TRPC4AP: variants seen among roughly 807,000 people sequenced by gnomAD.
The protein encoded by TRPC4AP is transient receptor potential cation channel subfamily C member 4 associated protein.
In TRPC4AP, 45 loss-of-function variants were observed where a neutral mutation model predicts 99.0. The ratio of observed to expected loss-of-function variants is 0.45; its 90% CI spans 0.36 to 0.58. TRPC4AP has a LOEUF of 0.58. TRPC4AP is among the 20% of genes least tolerant of loss of function. The pLI, the probability that TRPC4AP is intolerant of heterozygous loss-of-function variation, is 0.00. For synonymous variants in TRPC4AP, 408 were observed against 385.8 expected (o/e 1.06, Z -0.67); for missense variants, 879 against 985.3 (o/e 0.89, Z 1.44).
chr20:35,037,628 A>G (rs2083351073), intron 7 of TRPC4AP, among the ~76,000 whole-genome samples: 1 of 152,232 alleles, frequency 6.6e-6, no homozygotes, highest in South Asian at 2.1e-4. Context: ...AACCACAAAA[A>G]CATTATGCCA....
intron 11 of TRPC4AP, 57 bp downstream of exon 11, chr20:35,012,951 C>A (rs142059867): frequency 2.1e-5 from 33 of 1,574,368 alleles, no homozygotes; most frequent in African/African-American, 1.3e-4. Flanking sequence ...ACAAGGAGAT[C>A]GAGGCCTTCC....
At chr20:35,006,630 T>C in intron 14 of TRPC4AP, 55 bp from the exon 15 acceptor site, 1 of 1,593,490 alleles carries the variant, frequency 6.3e-7, no homozygotes, top group Admixed American at 1.7e-5. Flanking sequence ...CACCAGGGCC[T>C]GGCATGGAGC....
chr20:35,081,811 C>A (rs2084654534), intron 1 of TRPC4AP, among the ~76,000 whole-genome samples: 1 of 152,024 alleles, frequency 6.6e-6, no homozygotes, highest in Non-Finnish European at 1.5e-5. Flanking sequence ...CATGATGAAA[C>A]CCTGTCTCCA....
rs374190995 is a variant in TRPC4AP at position 35,086,499 on chromosome 20, GTA to G, written c.168+6113_168+6114del. 2.6e-3 allele frequency among the ~76,000 whole-genome samples: 331 copies of G among 126,596 alleles called. 20 individuals carry two copies. The highest frequency in any genetic ancestry group is 8.3e-3 in the African/African-American group (283 of 34,072). The allele number at this position is 126,596 out of a possible 152,430, so 83.1% of individuals were successfully genotyped here. A position where few individuals can be genotyped will look rare whatever the true frequency, so the allele number is the denominator to read the frequency against. On this transcript the variant is annotated intron_variant, in intron 1 of 18. Transcript: ENST00000252015. ...TGTATGTGTGTGTATATATATATGT[GTA>G]TATATATGTGTGTGTGTGTATATAT...
chr20:35,007,487 G>A, intron 14 of TRPC4AP, 63 bp downstream of exon 14: 2 of 1,529,532 alleles, frequency 1.3e-6, no homozygotes, highest in Non-Finnish European at 1.8e-6. Flanking sequence ...CTCAGGACAG[G>A]ACACAGCAAC....
intron 3 of TRPC4AP, among the ~76,000 whole-genome samples, chr20:35,068,973 ACACAC>A (rs2084225322): frequency 1.5e-5 from 1 of 65,764 alleles, no homozygotes; most frequent in Non-Finnish European, 2.7e-5. Context: ...ACACACACAC[ACACAC>A]AAAAAAAACA....
intron 7 of TRPC4AP, among the ~76,000 whole-genome samples, chr20:35,037,041 T>A (rs2083334849): frequency 1.3e-5 from 2 of 149,346 alleles, no homozygotes; most frequent in African/African-American, 4.9e-5. Flanking sequence ...AAAATAAAAC[T>A]ACATTGAGGT....
At chr20:35,060,734 A>G (rs1569133334) in intron 3 of TRPC4AP, among the ~76,000 whole-genome samples, 1 of 152,154 alleles carries the variant, frequency 6.6e-6, no homozygotes, top group Non-Finnish European at 1.5e-5. Flanking sequence ...GACAAAAGCC[A>G]AAAGCCACAC....
In TRPC4AP at chr20:35,003,000, T is replaced by C. The variant is rs2082425495; in HGVS notation, c.*146A>G. 3.4e-6 allele frequency: 4 copies of C among 1,183,020 alleles called. No homozygotes were observed. The highest frequency in any genetic ancestry group is 4.7e-6 in the Non-Finnish European group (4 of 845,742). The allele number at this position is 1,183,020 out of a possible 1,614,324, so 73.3% of individuals were successfully genotyped here. On this transcript the variant is annotated 3_prime_UTR_variant, in exon 19 of 19. Coordinates refer to ENST00000252015, the MANE Select transcript of TRPC4AP (RefSeq NM_015638.3). ...CAGACCCAGGGGGACCAAGGGCTTC[T>C]AGGACTTCCCTCCCACCAAGCCTGT...
intron 8 of TRPC4AP, among the ~76,000 whole-genome samples, chr20:35,023,001 T>C (rs1460198380): frequency 6.8e-6 from 1 of 147,088 alleles, no homozygotes; most frequent in East Asian, 2.0e-4. Context: ...CACTCCAGCC[T>C]GGGCGACAGA....
At chr20:35,077,540 G>A (rs1001523458) in intron 2 of TRPC4AP, among the ~76,000 whole-genome samples, 1 of 152,108 alleles carries the variant, frequency 6.6e-6, no homozygotes, top group African/African-American at 2.4e-5. Context: ...GTTTTAACAC[G>A]CTCTTCAGGT....
intron 5 of TRPC4AP, among the ~76,000 whole-genome samples, chr20:35,052,937 T>C (rs1301275431): frequency 2.0e-5 from 3 of 152,198 alleles, no homozygotes; most frequent in Admixed American, 6.5e-5. Flanking sequence ...GAGGCATTGG[T>C]GTTTGCAACC....
In TRPC4AP at chr20:35,021,363, C is replaced by G; in HGVS notation, c.1052-7G>C. ...GGAGGGAACACAATGGAGGCTGACA[C>G]AGCCACCGGAGACAGGATTGAGTCA... On this transcript the variant is annotated splice_polypyrimidine_tract_variant and splice_region_variant and intron_variant, in intron 8 of 18. Transcript: ENST00000252015. 1 of 1,612,508 alleles carries G rather than the reference C, an allele frequency of 6.2e-7. No individual in the cohort carries two copies. The highest frequency in any genetic ancestry group is 8.5e-7 in the Non-Finnish European group (1 of 1,178,986).
intron 15 of TRPC4AP, 120 bp from the exon 16 acceptor site, chr20:35,005,923 G>C (rs1357800230): frequency 2.5e-6 from 2 of 786,898 alleles, no homozygotes; most frequent in East Asian, 5.2e-5. Context: ...GCTTCAGATA[G>C]GAAGACAGAG....
chr20:35,033,739 C>T (rs1303943177), intron 8 of TRPC4AP, among the ~76,000 whole-genome samples: 1 of 152,108 alleles, frequency 6.6e-6, no homozygotes, highest in Non-Finnish European at 1.5e-5. Flanking sequence ...TGCCTATAAA[C>T]CTGGCACTCT....
chr20:35,010,404 C>A (rs1480375831), intron 11 of TRPC4AP, 116 bp from the exon 12 acceptor site: 1 of 801,390 alleles, frequency 1.2e-6, no homozygotes, highest in Non-Finnish European at 2.0e-6. Flanking sequence ...TGAGAAGCCA[C>A]CAGGCACTTT....
intron 1 of TRPC4AP, among the ~76,000 whole-genome samples, chr20:35,087,410 T>C (rs775944951): frequency 6.6e-6 from 1 of 151,164 alleles, no homozygotes; most frequent in Non-Finnish European, 1.5e-5. Flanking sequence ...CATTTAGATA[T>C]GCCAATAATC....
intron 6 of TRPC4AP, among the ~76,000 whole-genome samples, chr20:35,047,995 A>G (rs1311369946): frequency 1.3e-5 from 2 of 152,182 alleles, no homozygotes; most frequent in African/African-American, 4.8e-5. Flanking sequence ...TCAGTAGTAT[A>G]CAAGTGTTTC....
intron 3 of TRPC4AP, among the ~76,000 whole-genome samples, chr20:35,059,803 G>A (rs952049288): frequency 1.1e-4 from 17 of 151,938 alleles, no homozygotes; most frequent in South Asian, 6.2e-4. Context: ...AGGCGAAGAC[G>A]AAGACAAAGA....
Sources: gnomAD v4.1 joint callset for allele counts (sites outside exome capture counted in the v4.1 genomes callset) on GRCh38, gnomAD v4.1.1 for gene constraint, MANE v1.5 for transcripts, NCBI Gene and HGNC (gene_info 2026-07-23, HGNC 2026-07-21) for gene names.